Variants in ZSWIM5 observed in about 807,000 individuals in gnomAD.
ZSWIM5 encodes the protein zinc finger SWIM domain-containing protein 5.
Under a neutral mutation model 119.6 loss-of-function variants are expected in ZSWIM5, and 55 were observed. That is an observed-to-expected ratio of 0.46 (90% CI 0.37 to 0.58). ZSWIM5 has a LOEUF of 0.58. Ranked by LOEUF, ZSWIM5 falls within the 20% of genes least tolerant of loss-of-function variation. The pLI is 0.00. For synonymous variants in ZSWIM5, 537 were observed against 606.9 expected (o/e 0.88, Z 1.69); for missense variants, 1,193 against 1,512.8 (o/e 0.79, Z 3.51).
At chr1:45,025,631 T>C (rs1326166191) in intron 11 of ZSWIM5, among the ~76,000 whole-genome samples, 1 of 152,204 alleles carries the variant, frequency 6.6e-6, no homozygotes, top group African/African-American at 2.4e-5. Flanking sequence ...TGCTGGCATA[T>C]AGGAAAGCAA....
chr1:45,122,125 A>T (rs1645596728), intron 1 of ZSWIM5, among the ~76,000 whole-genome samples: 3 of 152,224 alleles, frequency 2.0e-5, no homozygotes, highest in Admixed American at 2.0e-4. Context: ...TAATATCAGT[A>T]TATTGAGGCT....
intron 1 of ZSWIM5, among the ~76,000 whole-genome samples, chr1:45,161,332 C>T (rs1226767): frequency 0.87 from 132,384 of 152,176 alleles, 57,805 homozygotes; most frequent in East Asian, 1. Flanking sequence ...AATCTCCATA[C>T]TGTTTTCAAT....
chr1:45,110,901 C>T (rs1645512672), intron 1 of ZSWIM5, among the ~76,000 whole-genome samples: 2 of 152,226 alleles, frequency 1.3e-5, no homozygotes, highest in South Asian at 4.1e-4. Context: ...AATATTCCAA[C>T]AGCAATCCCA....
In ZSWIM5 at chr1:45,055,294, T is replaced by C. The variant is rs139395673; in HGVS notation, c.1252+3315A>G. ...TGTGAGCCACTGTGCCCGGCCAGTT[T>C]TTTGTATTTTTAGTAGAGACAGGGT... On this transcript the variant is annotated intron_variant, in intron 4 of 13. Transcript: ENST00000359600. 9.9e-5 allele frequency among the ~76,000 whole-genome samples: 15 copies of C among 152,018 alleles called. No homozygotes were observed. The South Asian group carries it at 3.1e-3, about 32-fold the overall frequency.
intron 1 of ZSWIM5, among the ~76,000 whole-genome samples, chr1:45,204,982 A>G (rs1177468892): frequency 6.6e-6 from 1 of 152,160 alleles, no homozygotes; most frequent in Non-Finnish European, 1.5e-5. Flanking sequence ...TCATTTGTAT[A>G]ATATATTTTT....
rs1169254141 is a variant in ZSWIM5, at chr1:45,018,446, C to G, written c.*8G>C. 1 of 1,610,710 alleles carries G rather than the reference C, an allele frequency of 6.2e-7. No homozygotes were observed. Among genetic ancestry groups the G allele is most frequent in the African/African-American group, 1.3e-5 (1 of 74,900 alleles). Reference sequence around the variant, plus strand: ...CCAGGCTGCTCTGGCAGTGAGCTATCTGCTCTCTCAGCCAAAGCGCTCTCG... The same window carrying G: ...CCAGGCTGCTCTGGCAGTGAGCTATGTGCTCTCTCAGCCAAAGCGCTCTCG... On this transcript the variant is annotated 3_prime_UTR_variant, in exon 14 of 14. Transcript: ENST00000359600. This position sits in a 1 kb window ranked among gnomAD's most constrained non-coding sequence, Gnocchi z 6.7.
intron 2 of ZSWIM5, among the ~76,000 whole-genome samples, chr1:45,079,869 A>G (rs1323506536): frequency 1.3e-5 from 2 of 152,102 alleles, no homozygotes; most frequent in Non-Finnish European, 2.9e-5. Flanking sequence ...TCTTCCCTTC[A>G]AAGGCAGCAG....
chr1:45,077,281 T>C (rs944189651), intron 2 of ZSWIM5, among the ~76,000 whole-genome samples: 26 of 152,278 alleles, frequency 1.7e-4, no homozygotes, highest in Non-Finnish European at 2.9e-4. Context: ...CTTTTCTATT[T>C]TCCTAAGCGT....
chr1:45,205,217 G>T (rs2149059156), intron 1 of ZSWIM5, among the ~76,000 whole-genome samples: 1 of 151,308 alleles, frequency 6.6e-6, no homozygotes, highest in Middle Eastern at 3.4e-3. Context: ...AGATTCCCAA[G>T]CATCACCGGT....
At position 45,043,327 on chromosome 1, in the gene ZSWIM5, C is replaced by T. The variant is rs987265853; in HGVS notation, c.1501G>A (p.Asp501Asn). 3 of 1,614,078 alleles carry T rather than the reference C, an allele frequency of 1.9e-6. No individual in the cohort carries two copies. The highest frequency in any genetic ancestry group is 2.5e-6 in the Non-Finnish European group (3 of 1,180,044). The change falls in exon 6 of 14, where the codon GAT becomes AAT. Residue 501 changes from aspartate (D) to asparagine (N), a missense_variant. Asp to Asn is a conservative substitution (Grantham distance 23). Coordinates refer to ENST00000359600, the MANE Select transcript of ZSWIM5 (RefSeq NM_020883.2). Reference sequence around the variant, plus strand: ...CTGATTATTCGCTGTAGGTGGCTATCCTGCCAATGTAATTCACGCCCCTCA... The same window carrying T: ...CTGATTATTCGCTGTAGGTGGCTATTCTGCCAATGTAATTCACGCCCCTCA... ...AIEGRELHWQ[D>N]SHLQRIISSD...
At chr1:45,021,040 CCTT>C (rs1020576447) in intron 11 of ZSWIM5, among the ~76,000 whole-genome samples, 2 of 150,454 alleles carry the variant, frequency 1.3e-5, no homozygotes, top group Non-Finnish European at 3.0e-5. Context: ...CCCTCAGGAT[CCTT>C]TTTTTTTTTG....
intron 1 of ZSWIM5, among the ~76,000 whole-genome samples, chr1:45,166,726 T>A (rs1645906404): frequency 6.6e-6 from 1 of 151,982 alleles, no homozygotes; most frequent in South Asian, 2.1e-4. Context: ...TCACAATTGC[T>A]TCAAAGAGAA....
intron 1 of ZSWIM5, among the ~76,000 whole-genome samples, chr1:45,148,840 T>C (rs138808426): frequency 1.2e-4 from 19 of 152,342 alleles, no homozygotes; most frequent in African/African-American, 4.6e-4. Flanking sequence ...ATATACCAAA[T>C]ACAGACACTT....
Position 45,019,433 on chromosome 1 carries a change from C to T in ZSWIM5, c.2696-117G>A. 1.4e-6 allele frequency: 2 copies of T among 1,386,384 alleles called. No individual in the cohort carries two copies. The highest frequency in any genetic ancestry group is 1.9e-6 in the Non-Finnish European group (2 of 1,038,270). The allele number at this position is 1,386,384 out of a possible 1,614,324, so 85.9% of individuals were successfully genotyped here. ...GAGATGAATTCTTCCTCCTCAGCAA[C>T]CTTGAGATGATATGAGGCAAACCAG... On this transcript the variant is annotated intron_variant, in intron 13 of 13. Coordinates refer to ENST00000359600, the MANE Select transcript of ZSWIM5 (RefSeq NM_020883.2). The surrounding 1 kb of genome is among the most constrained non-coding windows in gnomAD (Gnocchi z 5.0).
chr1:45,176,804 C>T (rs1483229965), intron 1 of ZSWIM5, among the ~76,000 whole-genome samples: 1 of 151,992 alleles, frequency 6.6e-6, no homozygotes, highest in East Asian at 1.9e-4. Flanking sequence ...TATGGCTCTA[C>T]ACTCCCCTTC....
intron 1 of ZSWIM5, among the ~76,000 whole-genome samples, chr1:45,183,987 C>T (rs1269375489): frequency 2.0e-5 from 3 of 152,034 alleles, no homozygotes; most frequent in African/African-American, 7.2e-5. Flanking sequence ...AACATTGATG[C>T]AAAAATCCTC....
intron 1 of ZSWIM5, among the ~76,000 whole-genome samples, chr1:45,191,582 G>C (rs939344380): frequency 6.6e-6 from 1 of 152,166 alleles, no homozygotes; most frequent in African/African-American, 2.4e-5. Flanking sequence ...CGTTGTGATT[G>C]CATCAATTCG....
chr1:45,196,476 C>T (rs1169319448), intron 1 of ZSWIM5, among the ~76,000 whole-genome samples: 2 of 142,972 alleles, frequency 1.4e-5, no homozygotes, highest in Non-Finnish European at 3.0e-5. Context: ...CTGCAAGTTC[C>T]GCCTCCTGGG....
intron 5 of ZSWIM5, among the ~76,000 whole-genome samples, chr1:45,046,884 C>G (rs776561475): frequency 6.6e-6 from 1 of 151,400 alleles, no homozygotes; most frequent in Non-Finnish European, 1.5e-5. Flanking sequence ...ATTAGTCAGG[C>G]GTGGTGGTGG....
Sources: allele counts gnomAD v4.1 joint callset (sites outside exome capture counted in the v4.1 genomes callset), GRCh38; gene constraint gnomAD v4.1.1; non-coding constraint Gnocchi (gnomAD v3.1); transcripts MANE v1.5; gene names NCBI Gene and HGNC (gene_info 2026-07-23, HGNC 2026-07-21).